Variants in ARHGEF10 observed in about 807,000 individuals in gnomAD.
The protein encoded by ARHGEF10 is Rho guanine nucleotide exchange factor (GEF) 10.
Under a neutral mutation model 147.4 loss-of-function variants are expected in ARHGEF10, and 140 were observed. That is an observed-to-expected ratio of 0.95 (90% CI 0.83 to 1.09). The LOEUF (loss-of-function observed/expected upper bound fraction) is 1.09. ARHGEF10 is among the 50% of genes least tolerant of loss of function. The pLI, the probability that ARHGEF10 is intolerant of heterozygous loss-of-function variation, is 0.00. For synonymous variants in ARHGEF10, 902 were observed against 695.8 expected (o/e 1.30, Z -4.67); for missense variants, 2,222 against 1,752.7 (o/e 1.27, Z -4.78).
At chr8:1,826,101 T>G in intron 1 of ARHGEF10, 1 of 1,594,312 alleles carries the variant, frequency 6.3e-7, no homozygotes, top group Non-Finnish European at 8.5e-7. Context: ...GCATAACTCT[T>G]TATAGACAGA....
chr8:1,842,470 C>T (rs910652922), intron 1 of ARHGEF10, among the ~76,000 whole-genome samples: 1 of 152,208 alleles, frequency 6.6e-6, no homozygotes, highest in African/African-American at 2.4e-5. Context: ...CCGGTGACCA[C>T]CCTGGGCATG....
At chr8:1,857,399 C>T (rs965914449) in intron 2 of ARHGEF10, among the ~76,000 whole-genome samples, 1 of 151,188 alleles carries the variant, frequency 6.6e-6, no homozygotes, top group Admixed American at 6.6e-5. Flanking sequence ...CTTTTTTCCC[C>T]TTACTTTCTC....
At chr8:1,866,701 A>G in intron 6 of ARHGEF10, 99 bp downstream of exon 6, 1 of 1,094,808 alleles carries the variant, frequency 9.1e-7, no homozygotes, top group Non-Finnish European at 1.4e-6. Context: ...CATCAGATCT[A>G]AAACTCTAAA....
At chr8:1,834,295 C>T (rs1185492186) in intron 1 of ARHGEF10, among the ~76,000 whole-genome samples, 2 of 152,218 alleles carry the variant, frequency 1.3e-5, no homozygotes, top group Non-Finnish European at 2.9e-5. Context: ...AATGCATTTG[C>T]TTCTCTTTTC....
intron 10 of ARHGEF10, 24 bp downstream of exon 10, chr8:1,882,773 C>T (rs375105779): frequency 1.2e-4 from 158 of 1,318,270 alleles, no homozygotes; most frequent in Non-Finnish European, 1.4e-4. Flanking sequence ...GGTCTTCTTG[C>T]GGGGAGGACA....
At chr8:1,910,300 T>C (rs1261682892) in intron 18 of ARHGEF10, among the ~76,000 whole-genome samples, 1 of 152,222 alleles carries the variant, frequency 6.6e-6, no homozygotes, top group African/African-American at 2.4e-5. Flanking sequence ...CCTTTTCTGA[T>C]TGAATTTGCA....
At chr8:1,910,181 T>C (rs1038097432) in intron 18 of ARHGEF10, among the ~76,000 whole-genome samples, 2 of 152,190 alleles carry the variant, frequency 1.3e-5, no homozygotes, top group African/African-American at 2.4e-5. Flanking sequence ...AAAAACACGA[T>C]GCATGGGAAC....
intron 18 of ARHGEF10, among the ~76,000 whole-genome samples, chr8:1,918,676 C>T (rs1229893949): frequency 6.6e-6 from 1 of 152,216 alleles, no homozygotes. Context: ...TTAAAGTCTA[C>T]TCTTAGTGAT....
chr8:1,944,718 G>C (rs1036631911), intron 26 of ARHGEF10, among the ~76,000 whole-genome samples: 1 of 152,214 alleles, frequency 6.6e-6, no homozygotes, highest in African/African-American at 2.4e-5. Flanking sequence ...TGGTTCCTGG[G>C]GCACGCAGTG....
chr8:1,858,836 G>A (rs1805820162), intron 3 of ARHGEF10: 2 of 172,626 alleles, frequency 1.2e-5, no homozygotes, highest in Admixed American at 6.3e-5. Context: ...CAGCCTGTCA[G>A]TTTGCACAGT....
At chr8:1,898,854 A>T (rs142637579) in intron 15 of ARHGEF10, among the ~76,000 whole-genome samples, 2 of 152,288 alleles carry the variant, frequency 1.3e-5, no homozygotes, top group East Asian at 3.9e-4. Flanking sequence ...CTTGGTTATC[A>T]GTGGCCCACA....
At chr8:1,857,345 T>C (rs1163314896) in intron 2 of ARHGEF10, among the ~76,000 whole-genome samples, 1 of 152,166 alleles carries the variant, frequency 6.6e-6, no homozygotes, top group African/African-American at 2.4e-5. Context: ...CCCAGCCGGG[T>C]GATGTTCATC....
chr8:1,882,784 CG>C (rs1563224811), intron 10 of ARHGEF10, 35 bp downstream of exon 10: 4 of 1,170,162 alleles, frequency 3.4e-6, no homozygotes, highest in Non-Finnish European at 3.4e-6. Context: ...GGGGAGGACA[CG>C]GGGTTGGGGG....
At chr8:1,900,416 G>A (rs1393863553) in intron 15 of ARHGEF10, among the ~76,000 whole-genome samples, 1 of 152,086 alleles carries the variant, frequency 6.6e-6, no homozygotes, top group Non-Finnish European at 1.5e-5. Context: ...GAGGTTTAGG[G>A]AAGCTGATGA....
chr8:1,909,231 A>G (rs1199803540), intron 17 of ARHGEF10, 64 bp from the exon 18 acceptor site: 11 of 1,605,424 alleles, frequency 6.9e-6, no homozygotes, highest in Non-Finnish European at 9.4e-6. Context: ...CATCTGAGGG[A>G]TGAACATTAC....
intron 1 of ARHGEF10, among the ~76,000 whole-genome samples, chr8:1,833,146 AAG>A (rs1803343692): frequency 1.4e-5 from 1 of 70,444 alleles, no homozygotes; most frequent in Non-Finnish European, 3.1e-5. Flanking sequence ...GCAGAGACAG[AAG>A]CAGAGACAGA....
At chr8:1,876,783 G>A (rs909176781) in intron 8 of ARHGEF10, 49 bp downstream of exon 8, 23 of 1,593,456 alleles carry the variant, frequency 1.4e-5, no homozygotes, top group Non-Finnish European at 2.0e-5. Flanking sequence ...CGTTAACACG[G>A]ACAGGGGGCT....
At chr8:1,920,232 C>A (rs1474529907) in intron 18 of ARHGEF10, among the ~76,000 whole-genome samples, 1 of 152,176 alleles carries the variant, frequency 6.6e-6, no homozygotes, top group Non-Finnish European at 1.5e-5. Context: ...ATAGAAGGGT[C>A]AATTTGATTG....
intron 26 of ARHGEF10, among the ~76,000 whole-genome samples, chr8:1,944,135 C>A (rs1814351001): frequency 1.2e-5 from 1 of 82,264 alleles, no homozygotes; most frequent in Non-Finnish European, 3.0e-5. Context: ...AGGATCCCAG[C>A]CTCCCGCATC....
Sources: allele counts gnomAD v4.1 joint callset (sites outside exome capture counted in the v4.1 genomes callset), GRCh38; gene constraint gnomAD v4.1.1; transcripts MANE v1.5; gene names NCBI Gene and HGNC (gene_info 2026-07-23, HGNC 2026-07-21).